PDE4B: variants seen among roughly 807,000 people sequenced by gnomAD.
The protein encoded by PDE4B is phosphodiesterase 4B, also known as 3',5'-cyclic-AMP phosphodiesterase 4B.
In PDE4B, 20 loss-of-function variants were observed where a neutral mutation model predicts 82.2. That is an observed-to-expected ratio of 0.24 (90% CI 0.17 to 0.35). The LOEUF is 0.35. PDE4B is among the 10% of genes least tolerant of loss of function. The pLI, the probability that PDE4B is intolerant of heterozygous loss-of-function variation, is 1.00. For synonymous variants in PDE4B, 320 were observed against 318.9 expected (o/e 1.00, Z -0.04); for missense variants, 655 against 907.2 (o/e 0.72, Z 3.57).
At chr1:66,258,695 C>T (rs1370892432) in intron 6 of PDE4B, among the ~76,000 whole-genome samples, 1 of 152,162 alleles carries the variant, frequency 6.6e-6, no homozygotes, top group Admixed American at 6.6e-5. Flanking sequence ...CACAGCAGGG[C>T]CAAAACCTGT....
intron 8 of PDE4B, among the ~76,000 whole-genome samples, chr1:66,339,838 GTTTTTTTTGTTGTT>G (rs1557711256): frequency 1.8e-5 from 2 of 110,654 alleles, no homozygotes; most frequent in Non-Finnish European, 1.7e-5. Flanking sequence ...TTTTTTGTTT[GTTTTTTTTGTTGTT>G]TTTTTTTTTT....
chr1:65,846,878 C>T (rs577685576), intron 1 of PDE4B, among the ~76,000 whole-genome samples: 1 of 152,220 alleles, frequency 6.6e-6, no homozygotes, highest in East Asian at 1.9e-4. Flanking sequence ...CATACCAATC[C>T]ATGATAACCT....
At chr1:66,017,457 C>T (rs1317099223) in intron 3 of PDE4B, among the ~76,000 whole-genome samples, 3 of 152,098 alleles carry the variant, frequency 2.0e-5, no homozygotes, top group African/African-American at 7.2e-5. Context: ...TTTCTATAAG[C>T]CAGTAGCCTT....
intron 7 of PDE4B, chr1:66,266,299 T>C: frequency 1.7e-6 from 1 of 584,630 alleles, no homozygotes. Flanking sequence ...TTGCCCATTG[T>C]ATGTGCAGGC....
intron 3 of PDE4B, among the ~76,000 whole-genome samples, chr1:66,079,138 T>C (rs1272442244): frequency 6.6e-6 from 1 of 151,470 alleles, no homozygotes; most frequent in Non-Finnish European, 1.5e-5. Context: ...TCTCTCACTG[T>C]CTCGGTTTCT....
intron 7 of PDE4B, among the ~76,000 whole-genome samples, chr1:66,280,726 C>G (rs752140832): frequency 3.3e-5 from 5 of 152,132 alleles, no homozygotes; most frequent in Non-Finnish European, 7.4e-5. Context: ...ACATTGGCAC[C>G]AGGCCCCCTT....
intron 3 of PDE4B, among the ~76,000 whole-genome samples, chr1:66,141,496 C>T (rs980738644): frequency 6.6e-6 from 1 of 151,684 alleles, no homozygotes; most frequent in African/African-American, 2.4e-5. Context: ...GGCATTTTCT[C>T]AGATTGGATG....
At chr1:65,999,371 C>T (rs528631176) in intron 3 of PDE4B, among the ~76,000 whole-genome samples, 1 of 152,316 alleles carries the variant, frequency 6.6e-6, no homozygotes, top group East Asian at 1.9e-4. Context: ...TGGCCCCAGG[C>T]TGCTTCCAAC....
intron 3 of PDE4B, among the ~76,000 whole-genome samples, chr1:66,209,278 G>T (rs920501378): frequency 3.3e-5 from 5 of 152,108 alleles, no homozygotes; most frequent in Non-Finnish European, 1.5e-5. Flanking sequence ...ATTATTTGTT[G>T]AGTTTCTGCT....
intron 3 of PDE4B, among the ~76,000 whole-genome samples, chr1:66,065,454 G>A (rs140832843): frequency 6.6e-6 from 1 of 151,996 alleles, no homozygotes; most frequent in African/African-American, 2.4e-5. Context: ...ATCTAGAATT[G>A]ATAACCAAAG....
At chr1:66,094,490 C>T (rs1214068498) in intron 3 of PDE4B, 1 of 151,984 alleles carries the variant, frequency 6.6e-6, no homozygotes, top group African/African-American at 2.4e-5. Context: ...TTTCAATTAG[C>T]AATGACTGCG....
intron 3 of PDE4B, among the ~76,000 whole-genome samples, chr1:66,041,994 CTCT>C (rs1654414745): frequency 6.6e-6 from 1 of 151,778 alleles, no homozygotes; most frequent in African/African-American, 2.4e-5. Flanking sequence ...AAAGGAGTTA[CTCT>C]TCTTGAAGAA....
chr1:66,004,889 TG>T (rs1452712841), intron 3 of PDE4B, among the ~76,000 whole-genome samples: 1 of 152,026 alleles, frequency 6.6e-6, no homozygotes, highest in Non-Finnish European at 1.5e-5. Flanking sequence ...CTTTAACCTT[TG>T]GGAGCATCAA....
At chr1:66,146,228 A>G (rs1331113783) in intron 3 of PDE4B, among the ~76,000 whole-genome samples, 1 of 130,312 alleles carries the variant, frequency 7.7e-6, no homozygotes, top group South Asian at 2.5e-4. Flanking sequence ...CTGTCCCCCA[A>G]ACTGGAGTGC....
At chr1:66,274,200 G>T (rs530337980) in intron 7 of PDE4B, among the ~76,000 whole-genome samples, 2 of 148,054 alleles carry the variant, frequency 1.4e-5, no homozygotes, top group South Asian at 4.3e-4. Context: ...CACTCTTGTT[G>T]CCCAGGCTAG....
At chr1:66,242,029 T>G (rs1258015138) in intron 3 of PDE4B, among the ~76,000 whole-genome samples, 1 of 152,192 alleles carries the variant, frequency 6.6e-6, no homozygotes, top group Non-Finnish European at 1.5e-5. Flanking sequence ...AAATGAAGGC[T>G]TCATTCCTGC....
At chr1:66,283,877 G>A (rs138565596) in intron 7 of PDE4B, among the ~76,000 whole-genome samples, 11 of 152,252 alleles carry the variant, frequency 7.2e-5, no homozygotes, top group Non-Finnish European at 1.6e-4. Context: ...AGAGAAGGGA[G>A]AGAGAGCGAG....
chr1:66,007,920 T>C (rs754506537), intron 3 of PDE4B, among the ~76,000 whole-genome samples: 2 of 152,276 alleles, frequency 1.3e-5, no homozygotes, highest in East Asian at 1.9e-4. Flanking sequence ...AGTACATGTG[T>C]TCTGATTTGG....
intron 3 of PDE4B, among the ~76,000 whole-genome samples, chr1:66,164,098 T>C (rs1202852340): frequency 1.3e-5 from 2 of 152,138 alleles, no homozygotes; most frequent in Non-Finnish European, 2.9e-5. Flanking sequence ...AAACCAAAAT[T>C]TACTCCATCA....
Sources: gnomAD v4.1 joint callset for allele counts (sites outside exome capture counted in the v4.1 genomes callset) on GRCh38, gnomAD v4.1.1 for gene constraint, MANE v1.5 for transcripts, NCBI Gene and HGNC (gene_info 2026-07-23, HGNC 2026-07-21) for gene names.